The following PRKG2 variants were observed in gnomAD, a reference collection of about 807,000 sequenced individuals.
PRKG2 encodes the protein protein kinase cGMP-dependent 2.
PRKG2 carries 33 observed loss-of-function variants against 97.2 expected under a neutral mutation model. The ratio of observed to expected loss-of-function variants is 0.34; its 90% CI spans 0.26 to 0.45. The LOEUF is 0.45. Among genes scored for constraint, PRKG2 ranks in the 20% least tolerant of loss-of-function variants. PRKG2 has a pLI of 1.00. For synonymous variants in PRKG2, 330 were observed against 321.8 expected (o/e 1.03, Z -0.27); for missense variants, 638 against 900.0 (o/e 0.71, Z 3.73).
intron 6 of PRKG2, among the ~76,000 whole-genome samples, chr4:81,154,703 G>T (rs1045494956): frequency 6.6e-6 from 1 of 152,132 alleles, no homozygotes; most frequent in Non-Finnish European, 1.5e-5. Flanking sequence ...ACTCTAAAAA[G>T]CAGAGCGCCT....
At chr4:81,135,350 G>C in intron 13 of PRKG2, 54 bp from the exon 14 acceptor site, 2 of 1,532,432 alleles carry the variant, frequency 1.3e-6, no homozygotes. Flanking sequence ...CTTTGGTGCT[G>C]TTCTACGTGT....
intron 14 of PRKG2, among the ~76,000 whole-genome samples, chr4:81,125,169 T>G (rs562037883): frequency 2.6e-5 from 4 of 152,340 alleles, no homozygotes; most frequent in African/African-American, 9.6e-5. Context: ...TTAAATTGAT[T>G]TATAAGAAAT....
At chr4:81,136,402 A>G (rs1746704775) in intron 13 of PRKG2, among the ~76,000 whole-genome samples, 1 of 152,186 alleles carries the variant, frequency 6.6e-6, no homozygotes, top group Non-Finnish European at 1.5e-5. Context: ...TTCCACGTGA[A>G]TGCAATGTGT....
intron 17 of PRKG2, among the ~76,000 whole-genome samples, chr4:81,093,388 CACACACACACACACACAA>C (rs1482345586): frequency 2.0e-5 from 3 of 151,048 alleles, no homozygotes; most frequent in African/African-American, 7.4e-5. Context: ...CACACACACA[CACACACACACACACACAA>C]GCTTCTTATC....
At chr4:81,190,055 A>C (rs919555840) in intron 2 of PRKG2, among the ~76,000 whole-genome samples, 4 of 152,130 alleles carry the variant, frequency 2.6e-5, no homozygotes, top group Non-Finnish European at 4.4e-5. Flanking sequence ...ATTGATTTCC[A>C]TCACAGAATT....
At chr4:81,205,949 C>G (rs1347611525) in intron 1 of PRKG2, among the ~76,000 whole-genome samples, 1 of 152,050 alleles carries the variant, frequency 6.6e-6, no homozygotes, top group Non-Finnish European at 1.5e-5. Context: ...TTGTTTTAGT[C>G]TAATAGCTAT....
chr4:81,120,004 C>A (rs918504983), intron 14 of PRKG2, among the ~76,000 whole-genome samples: 5 of 152,122 alleles, frequency 3.3e-5, no homozygotes, highest in Admixed American at 2.0e-4. Flanking sequence ...TTAAAGAGAA[C>A]TAAATATGGC....
intron 14 of PRKG2, among the ~76,000 whole-genome samples, chr4:81,134,473 G>T (rs1003930642): frequency 1.3e-4 from 20 of 152,242 alleles, no homozygotes; most frequent in African/African-American, 4.8e-4. Flanking sequence ...TTCTAATGGG[G>T]TTCCTTCCCG....
At chr4:81,214,022 T>C (rs1369782363) in intron 1 of PRKG2, among the ~76,000 whole-genome samples, 1 of 151,482 alleles carries the variant, frequency 6.6e-6, no homozygotes, top group African/African-American at 2.4e-5. Context: ...AAACAGCTAG[T>C]GTATGTTATG....
At chr4:81,177,631 C>A (rs1015594460) in intron 2 of PRKG2, among the ~76,000 whole-genome samples, 2 of 151,990 alleles carry the variant, frequency 1.3e-5, no homozygotes, top group African/African-American at 4.8e-5. Flanking sequence ...ACCCAGAAGG[C>A]GGAAGTTGTA....
At position 81,153,639 on chromosome 4, in the gene PRKG2, G is replaced by C. The variant is rs572695202; in HGVS notation, c.990+5C>G. 1 of 1,567,326 alleles carries C rather than the reference G, an allele frequency of 6.4e-7. No homozygotes were observed. The highest frequency in any genetic ancestry group is 1.4e-5 in the African/African-American group (1 of 73,786). ...TTTATTTAGTAAGTTTTAATTAATAGTTACCTTTCCTTTTGCCAAAATGAA... is the reference window on the plus strand; with the variant it reads ...TTTATTTAGTAAGTTTTAATTAATACTTACCTTTCCTTTTGCCAAAATGAA... On this transcript the variant is annotated splice_donor_5th_base_variant and intron_variant, in intron 7 of 18. Transcript: ENST00000264399.
chr4:81,140,266 A>AT (rs1322455523), intron 12 of PRKG2, among the ~76,000 whole-genome samples: 2 of 152,168 alleles, frequency 1.3e-5, no homozygotes, highest in Non-Finnish European at 2.9e-5. Context: ...CATAGTAACA[A>AT]TTTAATTGGA....
rs569630146 is a variant in PRKG2 at position 81,126,446 on chromosome 4, C to T, written c.1776+8709G>A. 5.3e-5 allele frequency among the ~76,000 whole-genome samples: 8 copies of T among 152,296 alleles called. No homozygotes were observed. The East Asian group carries it at 5.8e-4, about 11-fold the overall frequency. On this transcript the variant is annotated intron_variant, in intron 14 of 18. Coordinates refer to ENST00000264399, the MANE Select transcript of PRKG2 (RefSeq NM_006259.3). ...TTCTGGTTCTAGATCCTTGAGGAAT[C>T]GCCATACTGTCTTCCACAATGGTTG... is the stretch of plus-strand genomic sequence containing the variant.
chr4:81,178,047 C>T (rs1390261327), intron 2 of PRKG2, among the ~76,000 whole-genome samples: 1 of 143,198 alleles, frequency 7.0e-6, no homozygotes, highest in Non-Finnish European at 1.5e-5. Context: ...TGCAGCCCTT[C>T]AGGTGTCCCA....
intron 3 of PRKG2, among the ~76,000 whole-genome samples, chr4:81,172,052 AATT>A (rs1750526206): frequency 2.0e-5 from 3 of 151,508 alleles, no homozygotes; most frequent in African/African-American, 2.4e-5. Flanking sequence ...GGATAATAAT[AATT>A]ATTATTATTA....
chr4:81,111,290 G>A (rs1193427443), intron 14 of PRKG2, among the ~76,000 whole-genome samples: 1 of 151,998 alleles, frequency 6.6e-6, no homozygotes, highest in Non-Finnish European at 1.5e-5. Flanking sequence ...TTACTTATTC[G>A]GAAAACATAC....
chr4:81,117,464 G>A (rs1041045692), intron 14 of PRKG2, among the ~76,000 whole-genome samples: 4 of 152,032 alleles, frequency 2.6e-5, no homozygotes, highest in Admixed American at 6.5e-5. Flanking sequence ...TACTTCCAAT[G>A]TCTCATAATT....
At chr4:81,092,556 A>G in intron 17 of PRKG2, 104 bp from the exon 18 acceptor site, 1 of 738,626 alleles carries the variant, frequency 1.4e-6, no homozygotes, top group Non-Finnish European at 2.3e-6. Context: ...CTTGGATGAT[A>G]AACTATTAGC....
intron 2 of PRKG2, among the ~76,000 whole-genome samples, chr4:81,177,568 T>C (rs191214765): frequency 0.011 from 1,733 of 151,980 alleles, 32 homozygotes; most frequent in African/African-American, 0.039. Flanking sequence ...CCGGGCATGG[T>C]GGTGGGTGCC....
Sources: allele counts gnomAD v4.1 joint callset (sites outside exome capture counted in the v4.1 genomes callset), GRCh38; gene constraint gnomAD v4.1.1; transcripts MANE v1.5; gene names NCBI Gene and HGNC (gene_info 2026-07-23, HGNC 2026-07-21).